PPP1R9A: variants seen among roughly 807,000 people sequenced by gnomAD.
PPP1R9A encodes protein phosphatase 1 regulatory subunit 9A, also known as neurabin-1.
Under a neutral mutation model 141.9 loss-of-function variants are expected in PPP1R9A, and 59 were observed. That is an observed-to-expected ratio of 0.42 (90% CI 0.34 to 0.52). The LOEUF (loss-of-function observed/expected upper bound fraction) is 0.52. PPP1R9A is among the 20% of genes least tolerant of loss of function. PPP1R9A has a pLI of 0.10. For synonymous variants in PPP1R9A, 500 were observed against 569.7 expected, an observed-to-expected ratio of 0.88 and a Z score of 1.74; for missense variants, 1,444 against 1,611.9, an observed-to-expected ratio of 0.90 and a Z score of 1.78.
chr7:95,268,332 G>A (rs1305449131), intron 12 of PPP1R9A, among the ~76,000 whole-genome samples: 3 of 151,948 alleles, frequency 2.0e-5, no homozygotes, highest in East Asian at 3.9e-4. Flanking sequence ...TTTTTATAGC[G>A]CCTTCATCAT....
At chr7:95,082,613 G>A (rs1816031474) in intron 2 of PPP1R9A, among the ~76,000 whole-genome samples, 1 of 151,730 alleles carries the variant, frequency 6.6e-6, no homozygotes, top group Non-Finnish European at 1.5e-5. Context: ...GGGGGCGTGT[G>A]CCTGTAATTC....
chr7:94,981,310 G>A (rs1800078722), intron 2 of PPP1R9A, among the ~76,000 whole-genome samples: 1 of 152,100 alleles, frequency 6.6e-6, no homozygotes, highest in Non-Finnish European at 1.5e-5. Context: ...CTCGATCTCG[G>A]CTCACTGCAA....
chr7:95,285,562 C>A (rs1467079761), intron 17 of PPP1R9A, among the ~76,000 whole-genome samples: 2 of 152,216 alleles, frequency 1.3e-5, no homozygotes, highest in Non-Finnish European at 2.9e-5. Flanking sequence ...ACCTCCCCCA[C>A]CCCCAGGTGA....
At chr7:95,125,364 T>A (rs1192961304) in intron 4 of PPP1R9A, among the ~76,000 whole-genome samples, 1 of 152,172 alleles carries the variant, frequency 6.6e-6, no homozygotes, top group East Asian at 1.9e-4. Context: ...CAGAGTAGCT[T>A]TTAATTTAGT....
At chr7:95,140,737 G>C (rs1213040293) in intron 4 of PPP1R9A, among the ~76,000 whole-genome samples, 1 of 152,072 alleles carries the variant, frequency 6.6e-6, no homozygotes, top group Non-Finnish European at 1.5e-5. Flanking sequence ...TTTTGAGACA[G>C]AGTTTCACTC....
At position 95,115,885 on chromosome 7, in the gene PPP1R9A, C is replaced by G. The variant is rs1436949292; in HGVS notation, c.1528+4494C>G. 2.7e-5 allele frequency among the ~76,000 whole-genome samples: 4 copies of G among 149,526 alleles called. No individual in the cohort carries two copies. The East Asian group carries it at 7.8e-4, about 29-fold the overall frequency. On this transcript the variant is annotated intron_variant, in intron 3 of 19. Coordinates refer to ENST00000433360, the MANE Select transcript of PPP1R9A (RefSeq NM_001166160.2). ...TGAGCCGAGACCACACCACTGCACT[C>G]CAGCCTGGGTGACAGAACAAGACTC...
intron 3 of PPP1R9A, among the ~76,000 whole-genome samples, chr7:95,112,161 A>G (rs1820685964): frequency 6.6e-6 from 1 of 152,208 alleles, no homozygotes; most frequent in Non-Finnish European, 1.5e-5. Context: ...TATGCCTCTA[A>G]CAAAGGACTA....
chr7:94,989,557 G>A (rs1458276255), intron 2 of PPP1R9A, among the ~76,000 whole-genome samples: 28 of 152,014 alleles, frequency 1.8e-4, no homozygotes, highest in Admixed American at 1.8e-3. Context: ...ATTAGAAAAC[G>A]TGGAAGGTTT....
rs188224039 is a variant in PPP1R9A at position 95,274,846 on chromosome 7, T to C, written c.3296+678T>C. Among the ~76,000 whole-genome samples, 141 of 152,324 alleles carry C rather than the reference T, an allele frequency of 9.3e-4. 4 individuals carry two copies. The highest frequency in any genetic ancestry group is 5.6e-3 in the Admixed American group (85 of 15,296). On this transcript the variant is annotated intron_variant, in intron 16 of 19. Transcript: ENST00000433360. ...ATTTGAATCATGGCTCTCCTACTTA[T>C]AACTTTTAAATCTTGGGCAAGTGAG...
chr7:95,206,655 C>T (rs553670471), intron 7 of PPP1R9A, among the ~76,000 whole-genome samples: 2 of 152,224 alleles, frequency 1.3e-5, no homozygotes, highest in South Asian at 4.1e-4. Context: ...TTAATTTCTC[C>T]AATTCTAGAA....
intron 2 of PPP1R9A, among the ~76,000 whole-genome samples, chr7:94,978,351 A>T (rs1799708611): frequency 6.6e-6 from 1 of 152,252 alleles, no homozygotes; most frequent in Admixed American, 6.5e-5. Flanking sequence ...TTATGATTAT[A>T]GAGTAGACTA....
intron 2 of PPP1R9A, among the ~76,000 whole-genome samples, chr7:95,034,716 AT>A (rs1282118566): frequency 6.6e-6 from 1 of 152,198 alleles, no homozygotes; most frequent in African/African-American, 2.4e-5. Context: ...GTAGTGCTGC[AT>A]TTACCAATTA....
At chr7:95,070,558 T>A (rs909083290) in intron 2 of PPP1R9A, among the ~76,000 whole-genome samples, 5 of 141,610 alleles carry the variant, frequency 3.5e-5, no homozygotes, top group Admixed American at 7.2e-5. Flanking sequence ...TGACTAATAC[T>A]AAAATTTAAA....
At chr7:95,035,497 A>G (rs1808311772) in intron 2 of PPP1R9A, among the ~76,000 whole-genome samples, 1 of 152,138 alleles carries the variant, frequency 6.6e-6, no homozygotes, top group Non-Finnish European at 1.5e-5. Context: ...TTATCCTCTG[A>G]GATCTGTGGA....
chr7:95,257,945 T>C (rs530576585), intron 12 of PPP1R9A, among the ~76,000 whole-genome samples: 1 of 152,304 alleles, frequency 6.6e-6, no homozygotes, highest in East Asian at 1.9e-4. Context: ...GTTCCAAGTC[T>C]TTGCTATTGT....
At chr7:95,110,597 GA>G (rs797003502) in intron 2 of PPP1R9A, among the ~76,000 whole-genome samples, 131 of 152,266 alleles carry the variant, frequency 8.6e-4, no homozygotes, top group African/African-American at 2.8e-3. Context: ...GGCTATATCT[GA>G]AGGCCACATT....
chr7:94,917,910 G>A (rs1792299270), intron 2 of PPP1R9A, among the ~76,000 whole-genome samples: 1 of 152,136 alleles, frequency 6.6e-6, no homozygotes, highest in Non-Finnish European at 1.5e-5. Context: ...AATCTCATCT[G>A]CATTAGATTT....
chr7:94,963,345 A>AT (rs1372197648), intron 2 of PPP1R9A, among the ~76,000 whole-genome samples: 1 of 152,068 alleles, frequency 6.6e-6, no homozygotes. Context: ...TATAGTTTCT[A>AT]TTTTTTATAG....
intron 17 of PPP1R9A, among the ~76,000 whole-genome samples, chr7:95,285,218 T>C (rs946762085): frequency 2.0e-5 from 3 of 152,214 alleles, no homozygotes; most frequent in Non-Finnish European, 4.4e-5. Flanking sequence ...GGGAACCTAG[T>C]GGAAATCTAA....
Sources: gnomAD v4.1 joint callset for allele counts (sites outside exome capture counted in the v4.1 genomes callset) on GRCh38, gnomAD v4.1.1 for gene constraint, MANE v1.5 for transcripts, NCBI Gene and HGNC (gene_info 2026-07-23, HGNC 2026-07-21) for gene names.